The following PAPOLA variants were observed in gnomAD, a reference collection of about 807,000 sequenced individuals.
The protein encoded by PAPOLA is polynucleotide adenylyltransferase alpha.
In PAPOLA, 15 loss-of-function variants were observed where a neutral mutation model predicts 100.6. The ratio of observed to expected loss-of-function variants is 0.15; its 90% CI spans 0.10 to 0.23. The LOEUF is 0.23. PAPOLA is among the 10% of genes least tolerant of loss of function. The pLI is 1.00. For synonymous variants in PAPOLA, 293 were observed against 300.0 expected (o/e 0.98, Z 0.24); for missense variants, 533 against 884.2 (o/e 0.60, Z 5.04).
rs565401229 is a variant in PAPOLA at position 96,565,346 on chromosome 14, G to A, written c.*296G>A. 3.2e-6 allele frequency: 1 copy of A among 315,762 alleles called. No homozygotes were observed. The highest frequency in any genetic ancestry group is 5.0e-5 in the East Asian group (1 of 19,892). 19.6% of individuals were successfully genotyped at this position (315,762 alleles called of 1,614,324 possible). On this transcript the variant is annotated 3_prime_UTR_variant, in exon 22 of 22. Coordinates refer to ENST00000216277, the MANE Select transcript of PAPOLA (RefSeq NM_032632.5). ...TATTCATAATTGACATCTGGATTGG[G>A]TTTATGTTTGATGCATTGTTTGGAA...
chr14:96,542,992 G>T (rs1478614425), intron 14 of PAPOLA, 99 bp downstream of exon 14: 1 of 1,200,322 alleles, frequency 8.3e-7, no homozygotes, highest in South Asian at 1.3e-5. Flanking sequence ...CTATTCTGTT[G>T]ACTACATATG....
At chr14:96,555,768 A>G in intron 17 of PAPOLA, 79 bp from the exon 18 acceptor site, 3 of 670,010 alleles carry the variant, frequency 4.5e-6, no homozygotes, top group Non-Finnish European at 7.4e-6. Flanking sequence ...ATTTCTATAT[A>G]TGTTATAGAT....
Position 96,522,116 on chromosome 14 carries a change from CTTTTTTTTTTTTTTTT to C in PAPOLA, c.249+1054_249+1069del, listed in dbSNP as rs754167531. ...CTGCATCTAGCCTCTTTCTTTCTTT[CTTTTTTTTTTTTTTTT>C]TTTTTTTTTGAGACAGTCTTGCTCA... On this transcript the variant is annotated intron_variant, in intron 3 of 21. Transcript: ENST00000216277. 6.3e-3 allele frequency among the ~76,000 whole-genome samples: 367 copies of C among 57,850 alleles called. 2 individuals carry two copies. Among genetic ancestry groups the C allele is most frequent in the Middle Eastern group, 0.03 (2 of 66 alleles). The allele number at this position is 57,850 out of a possible 152,430, so 38.0% of individuals were successfully genotyped here. A position where few individuals can be genotyped will look rare whatever the true frequency, so the allele number is the denominator to read the frequency against.
chr14:96,543,943 C>G (rs1900188723), intron 14 of PAPOLA, among the ~76,000 whole-genome samples: 1 of 151,984 alleles, frequency 6.6e-6, no homozygotes, highest in African/African-American at 2.4e-5. Flanking sequence ...GAGTATATTT[C>G]TCCTGGATCT....
Position 96,557,466 on chromosome 14 carries a change from A to T in PAPOLA, c.2004+1053A>T, listed in dbSNP as rs141338662. Among the ~76,000 whole-genome samples the T allele has an allele frequency of 2.6e-4, 40 of 152,222 alleles. No homozygotes were observed. In the East Asian group the frequency reaches 6.6e-3, roughly 25 times the overall value. ...CTTAAAATAGAGGTAGTCTTGTTAC[A>T]CAATTTTATTTCTCCCTCGAGTCAC... On this transcript the variant is annotated intron_variant, in intron 19 of 21. Transcript: ENST00000216277.
chr14:96,512,200 C>T (rs1431618049), intron 1 of PAPOLA, among the ~76,000 whole-genome samples: 1 of 151,674 alleles, frequency 6.6e-6, no homozygotes, highest in East Asian at 1.9e-4. Context: ...TAAAATTTTA[C>T]GGTCTCAATT....
Position 96,552,579 on chromosome 14 carries a change from G to A in PAPOLA, c.1621G>A (p.Ala541Thr), listed in dbSNP as rs867387507. ...NSMSVPSPTS[A>T]TKTSPLNSSG... ...CATGTCTGTGCCTTCACCTACTAGTGCTACGAAGACCAGTCCATTGAACAG... is the reference window on the plus strand; with the variant it reads ...CATGTCTGTGCCTTCACCTACTAGTACTACGAAGACCAGTCCATTGAACAG... The change falls in exon 17 of 22, where the codon GCT becomes ACT. Residue 541 changes from alanine to threonine, a missense_variant. Transcript: ENST00000216277. The A allele has an allele frequency of 3.1e-6, 5 of 1,614,094 alleles. No homozygotes were observed. The highest frequency in any genetic ancestry group is 4.2e-6 in the Non-Finnish European group (5 of 1,179,962).
At chr14:96,535,140 A>G (rs1182391873) in intron 10 of PAPOLA, 2 of 957,992 alleles carry the variant, frequency 2.1e-6, no homozygotes, top group Admixed American at 6.2e-5. Flanking sequence ...AATGTTAACA[A>G]CATGCACTTT....
intron 17 of PAPOLA, 122 bp from the exon 18 acceptor site, chr14:96,555,725 G>T (rs1901260924): frequency 2.0e-6 from 1 of 511,988 alleles, no homozygotes; most frequent in East Asian, 3.4e-5. Flanking sequence ...TGTATAGGAA[G>T]TAAAACCAAA....
chr14:96,534,166 G>A lies in PAPOLA; in HGVS notation c.837-325G>A, dbSNP rs535770288. 5.9e-5 allele frequency: 64 copies of A among 1,080,208 alleles called. No individual in the cohort carries two copies. The African/African-American group carries it at 1.0e-3, about 17-fold the overall frequency. The allele number at this position is 1,080,208 out of a possible 1,614,324, so 66.9% of individuals were successfully genotyped here. A position where few individuals can be genotyped will look rare whatever the true frequency, so the allele number is the denominator to read the frequency against. On this transcript the variant is annotated intron_variant, in intron 9 of 21. Transcript: ENST00000216277. Reference sequence around the variant, plus strand: ...GGCAGGAATTTTGTCTTTCAGTGGAGATTTATTCTGTTCAAGGTTGAAGTG... The same window carrying A: ...GGCAGGAATTTTGTCTTTCAGTGGAAATTTATTCTGTTCAAGGTTGAAGTG...
intron 19 of PAPOLA, among the ~76,000 whole-genome samples, chr14:96,557,353 T>C (rs1901428711): frequency 6.6e-6 from 1 of 152,248 alleles, no homozygotes. Flanking sequence ...TGCAAGCTGG[T>C]ATTAACCTTT....
intron 3 of PAPOLA, among the ~76,000 whole-genome samples, chr14:96,523,855 A>G (rs941173768): frequency 1.3e-5 from 2 of 151,948 alleles, no homozygotes; most frequent in Non-Finnish European, 2.9e-5. Flanking sequence ...AGGCAGGATA[A>G]TGGCTTGAAC....
At chr14:96,538,653 G>A (rs1256410146) in intron 12 of PAPOLA, among the ~76,000 whole-genome samples, 2 of 151,870 alleles carry the variant, frequency 1.3e-5, no homozygotes, top group African/African-American at 4.8e-5. Flanking sequence ...ATATGACAAT[G>A]GGCTAGTTTT....
At chr14:96,535,519 T>C (rs1339808292) in intron 10 of PAPOLA, 2 of 990,796 alleles carry the variant, frequency 2.0e-6, no homozygotes, top group Admixed American at 6.1e-5. Flanking sequence ...TACAAAACAT[T>C]GTAGCATGAC....
chr14:96,564,833 T>G (rs1902150646), intron 21 of PAPOLA, 122 bp from the exon 22 acceptor site: 1 of 609,212 alleles, frequency 1.6e-6, no homozygotes, highest in East Asian at 2.6e-5. Flanking sequence ...ATTATAGAGT[T>G]TTTAAATTTG....
intron 10 of PAPOLA, chr14:96,535,052 T>C (rs1899399713): frequency 1.0e-6 from 1 of 980,636 alleles, no homozygotes; most frequent in African/African-American, 1.8e-5. Context: ...TTAGAGATTA[T>C]AAAAACATGG....
rs1181914074 is a variant in PAPOLA, at chr14:96,532,420, C to T, written c.697C>T (p.Arg233Cys). Residue 233 changes from arginine (R) to cysteine (C), a missense_variant and splice_region_variant, in exon 8 of 22, where the codon CGC becomes TGC. Transcript: ENST00000216277. ...TLRAIKLWAK[R>C]HNIYSNILGF... ...GAGAGCTATCAAACTATGGGCCAAACGTGAGTTCAGAATTTGTTGGCTAGC... is the reference window on the plus strand; with the variant it reads ...GAGAGCTATCAAACTATGGGCCAAATGTGAGTTCAGAATTTGTTGGCTAGC... The T allele has an allele frequency of 5.0e-6, 8 of 1,611,806 alleles. No homozygotes were observed. The highest frequency in any genetic ancestry group is 1.3e-5 in the African/African-American group (1 of 74,858).
At chr14:96,509,143 C>A (rs1241809017) in intron 1 of PAPOLA, among the ~76,000 whole-genome samples, 1 of 152,124 alleles carries the variant, frequency 6.6e-6, no homozygotes, top group Non-Finnish European at 1.5e-5. Context: ...GGGATCCTCC[C>A]ACCTCAGCCT....
chr14:96,551,377 T>C (rs1165586547), intron 16 of PAPOLA, among the ~76,000 whole-genome samples: 7 of 152,202 alleles, frequency 4.6e-5, no homozygotes, highest in African/African-American at 7.2e-5. Flanking sequence ...TCATTTATAA[T>C]ATTAGGTACT....
Sources: allele counts gnomAD v4.1 joint callset (sites outside exome capture counted in the v4.1 genomes callset), GRCh38; gene constraint gnomAD v4.1.1; transcripts MANE v1.5; gene names NCBI Gene and HGNC (gene_info 2026-07-23, HGNC 2026-07-21).